The following FRMD6 variants were observed in gnomAD, a reference collection of about 807,000 sequenced individuals.
The protein encoded by FRMD6 is FERM domain-containing protein 6.
In FRMD6, 37 loss-of-function variants were observed where a neutral mutation model predicts 73.2. That is an observed-to-expected ratio of 0.51 (90% CI 0.39 to 0.66). FRMD6 has a LOEUF of 0.66. Ranked by LOEUF, FRMD6 falls within the 30% of genes least tolerant of loss-of-function variation. The pLI is 0.00. For synonymous variants in FRMD6, 273 were observed against 282.2 expected (o/e 0.97, Z 0.33); for missense variants, 714 against 780.5 (o/e 0.91, Z 1.02).
chr14:51,528,016 C>T (rs1389504889), intron 1 of FRMD6, among the ~76,000 whole-genome samples: 1 of 152,130 alleles, frequency 6.6e-6, no homozygotes, highest in Non-Finnish European at 1.5e-5. Context: ...GTGCCTCATG[C>T]CTGTGGTCCC....
intron 1 of FRMD6, among the ~76,000 whole-genome samples, chr14:51,522,208 A>G (rs997394847): frequency 9.2e-5 from 14 of 152,216 alleles, no homozygotes; most frequent in African/African-American, 3.4e-4. Flanking sequence ...ACATCAAACC[A>G]TAAGTGAATT....
the FRMD6 span, among the ~76,000 whole-genome samples, chr14:51,469,415 A>C: frequency 1.8e-3 from 273 of 150,472 alleles, 1 homozygote; most frequent in Non-Finnish European, 2.8e-3. Context: ...AGATCGAGAC[A>C]ATCCTGGCTA....
the FRMD6 span, among the ~76,000 whole-genome samples, chr14:51,472,683 T>TCTTAGCCTCAGCGCACCTGAA: frequency 6.2e-3 from 949 of 152,306 alleles, 4 homozygotes; most frequent in Non-Finnish European, 0.011. Flanking sequence ...AGTTCCTGAA[T>TCTTAGCCTCAGCGCACCTGAA]CTTAGCCTCA....
At chr14:51,540,751 G>A (rs11846682) in intron 1 of FRMD6, among the ~76,000 whole-genome samples, 21,166 of 151,878 alleles carry the variant, frequency 0.14, 1,882 homozygotes, top group East Asian at 0.25. Flanking sequence ...TAAATTCCAT[G>A]AGCAAATAAA....
intron 1 of FRMD6, among the ~76,000 whole-genome samples, chr14:51,544,397 A>C (rs1886354356): frequency 6.6e-6 from 1 of 152,084 alleles, no homozygotes; most frequent in African/African-American, 2.4e-5. Context: ...TCTTCTTCAA[A>C]TACATACAAA....
intron 1 of FRMD6, among the ~76,000 whole-genome samples, chr14:51,561,850 C>A (rs1021814468): frequency 7.9e-5 from 12 of 152,110 alleles, no homozygotes; most frequent in Non-Finnish European, 1.5e-4. Context: ...GGGGAGAAAT[C>A]ATCACAAATT....
At chr14:51,494,805 A>G (rs780404370) in intron 1 of FRMD6, among the ~76,000 whole-genome samples, 2 of 152,152 alleles carry the variant, frequency 1.3e-5, no homozygotes, top group Non-Finnish European at 2.9e-5. Context: ...TTTCCTTCAG[A>G]GCCATTCTTC....
At chr14:51,506,314 G>C (rs1054535245) in intron 1 of FRMD6, among the ~76,000 whole-genome samples, 4 of 152,150 alleles carry the variant, frequency 2.6e-5, no homozygotes, top group African/African-American at 4.8e-5. Flanking sequence ...ATTTTATACA[G>C]TACAGCTCCT....
At chr14:51,702,725 C>G in intron 5 of FRMD6, 137 bp downstream of exon 5, 1 of 653,704 alleles carries the variant, frequency 1.5e-6, no homozygotes, top group Non-Finnish European at 2.6e-6. Flanking sequence ...CAATTTTTTT[C>G]TTTTTAATAT....
chr14:51,589,807 G>A (rs377587491), intron 2 of FRMD6, among the ~76,000 whole-genome samples: 35 of 152,258 alleles, frequency 2.3e-4, no homozygotes, highest in Admixed American at 1.0e-3. Context: ...GGTGGCTCAC[G>A]CCTGTAATCC....
the FRMD6 span, among the ~76,000 whole-genome samples, chr14:51,416,872 T>G: frequency 2.0e-5 from 3 of 152,228 alleles, no homozygotes; most frequent in African/African-American, 7.2e-5. Flanking sequence ...GATAGTTAGC[T>G]CTTCTTGTTG....
intron 2 of FRMD6, among the ~76,000 whole-genome samples, chr14:51,601,593 G>A (rs1045933714): frequency 6.6e-6 from 1 of 152,156 alleles, no homozygotes; most frequent in Non-Finnish European, 1.5e-5. Flanking sequence ...AATGGCTCAA[G>A]AACTCCCTCT....
chr14:51,429,468 A>G, the FRMD6 span, among the ~76,000 whole-genome samples: 1 of 152,138 alleles, frequency 6.6e-6, no homozygotes, highest in African/African-American at 2.4e-5. Flanking sequence ...TTATCCACAC[A>G]TTACCAAACC....
chr14:51,521,351 T>C (rs1474669688), intron 1 of FRMD6, among the ~76,000 whole-genome samples: 1 of 152,230 alleles, frequency 6.6e-6, no homozygotes, highest in Non-Finnish European at 1.5e-5. Flanking sequence ...ATACAAATTG[T>C]ATTAAAGTAT....
At chr14:51,704,087 C>T (rs921796744) in intron 5 of FRMD6, among the ~76,000 whole-genome samples, 2 of 151,876 alleles carry the variant, frequency 1.3e-5, no homozygotes, top group Non-Finnish European at 2.9e-5. Context: ...TAATAATTGT[C>T]GTGACATGTG....
intron 1 of FRMD6, among the ~76,000 whole-genome samples, chr14:51,663,719 A>G (rs564136903): frequency 1.2e-4 from 18 of 152,334 alleles, no homozygotes; most frequent in African/African-American, 4.1e-4. Flanking sequence ...TATATAACAA[A>G]CCTGTACTCA....
chr14:51,489,675 G>A (rs1253313900), intron 1 of FRMD6, among the ~76,000 whole-genome samples: 1 of 152,208 alleles, frequency 6.6e-6, no homozygotes, highest in African/African-American at 2.4e-5. Context: ...GGGCTAGGAA[G>A]AAACTCACAT....
chr14:51,396,617 C>A, the FRMD6 span, among the ~76,000 whole-genome samples: 1 of 152,186 alleles, frequency 6.6e-6, no homozygotes, highest in African/African-American at 2.4e-5. Context: ...CACACAGACA[C>A]GTCCAGAGGT....
chr14:51,413,660 T>C, the FRMD6 span, among the ~76,000 whole-genome samples: 2 of 152,230 alleles, frequency 1.3e-5, no homozygotes, highest in South Asian at 2.1e-4. Context: ...TTATAATCCT[T>C]TGTGTACATA....
Sources: gnomAD v4.1 joint callset for allele counts (sites outside exome capture counted in the v4.1 genomes callset) on GRCh38, gnomAD v4.1.1 for gene constraint, MANE v1.5 for transcripts, NCBI Gene and HGNC (gene_info 2026-07-23, HGNC 2026-07-21) for gene names.